Variants in LARGE1 observed in about 807,000 individuals in gnomAD.
The protein encoded by LARGE1 is xylosyl- and glucuronyltransferase LARGE1.
In LARGE1, 43 loss-of-function variants were observed where a neutral mutation model predicts 87.6. That is an observed-to-expected ratio of 0.49 (90% CI 0.38 to 0.63). The LOEUF is 0.63. Ranked by LOEUF, LARGE1 falls within the 30% of genes least tolerant of loss-of-function variation. The pLI is 0.00. For synonymous variants in LARGE1, 434 were observed against 394.6 expected, an observed-to-expected ratio of 1.10 and a Z score of -1.18; for missense variants, 802 against 1,000.2, an observed-to-expected ratio of 0.80 and a Z score of 2.67.
At chr22:33,587,927 C>T (rs937913655) in intron 5 of LARGE1, among the ~76,000 whole-genome samples, 1 of 152,084 alleles carries the variant, frequency 6.6e-6, no homozygotes, top group African/African-American at 2.4e-5. Context: ...CACATTAATG[C>T]CTTTTGTTGG....
At chr22:33,171,677 C>T (rs948345729) in intron 11 of LARGE1, among the ~76,000 whole-genome samples, 13 of 152,120 alleles carry the variant, frequency 8.5e-5, no homozygotes, top group South Asian at 6.2e-4. Context: ...CCTGAGAGTG[C>T]GCAGAAGATA....
the LARGE1 span, among the ~76,000 whole-genome samples, chr22:33,069,974 G>A: frequency 2.0e-5 from 3 of 152,216 alleles, no homozygotes; most frequent in South Asian, 4.2e-4. Context: ...ACAGGCATGC[G>A]CCATCGCACA....
intron 7 of LARGE1, among the ~76,000 whole-genome samples, chr22:33,402,463 C>A (rs1365306149): frequency 6.6e-6 from 1 of 152,274 alleles, no homozygotes; most frequent in Admixed American, 6.5e-5. Flanking sequence ...ATACAGTCAC[C>A]TCCCCAGTGC....
At chr22:33,197,132 T>C (rs1924123220) in intron 11 of LARGE1, among the ~76,000 whole-genome samples, 1 of 151,414 alleles carries the variant, frequency 6.6e-6, no homozygotes, top group Non-Finnish European at 1.5e-5. Context: ...CTCAGAAAAA[T>C]AGTAAGAGAA....
At chr22:33,717,012 G>A (rs1351982016) in intron 2 of LARGE1, among the ~76,000 whole-genome samples, 1 of 152,110 alleles carries the variant, frequency 6.6e-6, no homozygotes, top group Admixed American at 6.5e-5. Context: ...GTTTTTTGTT[G>A]TTATTGGAAA....
chr22:33,224,749 G>C (rs913879753), intron 11 of LARGE1, among the ~76,000 whole-genome samples: 2 of 152,154 alleles, frequency 1.3e-5, no homozygotes, highest in African/African-American at 4.8e-5. Flanking sequence ...TGTCACACTT[G>C]TTAGCAACAG....
At chr22:33,836,488 A>G (rs1299502261) in intron 1 of LARGE1, among the ~76,000 whole-genome samples, 1 of 152,148 alleles carries the variant, frequency 6.6e-6, no homozygotes, top group Non-Finnish European at 1.5e-5. Flanking sequence ...GCACACCAAG[A>G]ACCCTGCAAC....
intron 12 of LARGE1, among the ~76,000 whole-genome samples, chr22:33,286,630 T>C (rs1396711706): frequency 1.3e-5 from 2 of 152,212 alleles, no homozygotes; most frequent in Non-Finnish European, 2.9e-5. Context: ...GGCCCCAGAT[T>C]GCATTTGTAG....
At chr22:33,485,403 C>A (rs968196406) in intron 6 of LARGE1, among the ~76,000 whole-genome samples, 1 of 151,532 alleles carries the variant, frequency 6.6e-6, no homozygotes, top group African/African-American at 2.4e-5. Context: ...TAGTAGAGAC[C>A]GGGTTTCACC....
intron 1 of LARGE1, among the ~76,000 whole-genome samples, chr22:33,848,746 T>C (rs2063502181): frequency 6.6e-6 from 1 of 152,140 alleles, no homozygotes. Context: ...CAAGACCCTT[T>C]AATGGATCCC....
rs138175637 is a variant in LARGE1 at position 33,766,281 on chromosome 22, C to G, written c.-82-4723G>C. Among the ~76,000 whole-genome samples, 826 of 152,266 alleles carry G rather than the reference C, an allele frequency of 5.4e-3. 6 individuals are homozygous for G. The highest frequency in any genetic ancestry group is 0.046 in the South Asian group (221 of 4,814). On this transcript the variant is annotated intron_variant, in intron 1 of 14. Coordinates refer to ENST00000397394, the MANE Select transcript of LARGE1 (RefSeq NM_133642.5). ...TAAGAGTCATCCCTAAACACCTCTC[C>G]CTCAACTCCAAGATCCAACTCTTCG... is the stretch of plus-strand genomic sequence containing the variant.
intron 2 of LARGE1, among the ~76,000 whole-genome samples, chr22:33,714,296 A>G (rs2082847308): frequency 1.3e-5 from 2 of 152,164 alleles, no homozygotes. Flanking sequence ...CCTCACATTC[A>G]AGAGCATGGC....
chr22:33,339,154 T>TAAAAAAA (rs1182760420), intron 9 of LARGE1, among the ~76,000 whole-genome samples: 2 of 98,984 alleles, frequency 2.0e-5, no homozygotes, highest in Admixed American at 1.2e-4. Flanking sequence ...TCTCAAAAAA[T>TAAAAAAA]AAAAAAAAAA....
chr22:33,099,209 G>T, the LARGE1 span, among the ~76,000 whole-genome samples: 1 of 152,174 alleles, frequency 6.6e-6, no homozygotes, highest in African/African-American at 2.4e-5. Flanking sequence ...ATAAGGCGTG[G>T]AAGATAGCTA....
At chr22:33,908,110 C>T (rs938763779) in intron 1 of LARGE1, among the ~76,000 whole-genome samples, 4 of 152,124 alleles carry the variant, frequency 2.6e-5, no homozygotes, top group African/African-American at 4.8e-5. Flanking sequence ...GTATGACACT[C>T]GAGGTTTCAT....
chr22:33,114,045 A>ATTTTTTTTTTTTTTTTT, the LARGE1 span, among the ~76,000 whole-genome samples: 1 of 135,748 alleles, frequency 7.4e-6, no homozygotes, highest in Non-Finnish European at 1.6e-5. Flanking sequence ...TAATTTTTCT[A>ATTTTTTTTTTTTTTTTT]TTTTTTTTTT....
At chr22:33,432,590 T>TGCA (rs2067117904) in intron 6 of LARGE1, among the ~76,000 whole-genome samples, 1 of 146,188 alleles carries the variant, frequency 6.8e-6, no homozygotes, top group Non-Finnish European at 1.5e-5. Context: ...CATTCATTCA[T>TGCA]TCATTCATGC....
At chr22:33,422,074 G>C (rs1303170188) in intron 7 of LARGE1, among the ~76,000 whole-genome samples, 1 of 152,224 alleles carries the variant, frequency 6.6e-6, no homozygotes, top group Non-Finnish European at 1.5e-5. Flanking sequence ...GCCAACCCCA[G>C]GAAGGATTTT....
At chr22:33,836,191 T>C (rs920131349) in intron 1 of LARGE1, among the ~76,000 whole-genome samples, 1 of 150,980 alleles carries the variant, frequency 6.6e-6, no homozygotes, top group Non-Finnish European at 1.5e-5. Flanking sequence ...AGGCAGATGG[T>C]TCCAAAGTTT....
Sources: gnomAD v4.1 joint callset for allele counts (sites outside exome capture counted in the v4.1 genomes callset) on GRCh38, gnomAD v4.1.1 for gene constraint, MANE v1.5 for transcripts, NCBI Gene and HGNC (gene_info 2026-07-23, HGNC 2026-07-21) for gene names.